Variants in PLAAT3 observed in about 807,000 individuals in gnomAD.
PLAAT3 encodes the protein Ca-independent phospholipase A1/2.
A neutral mutation model predicts 16.7 loss-of-function variants in PLAAT3; 21 were observed. That is an observed-to-expected ratio of 1.26 (90% CI 0.89 to 1.81). PLAAT3 has a LOEUF of 1.81. PLAAT3 is among the 40% of genes most tolerant of loss of function. The probability of loss-of-function intolerance (pLI) is 0.00; values close to 1 mark genes in which losing one functional copy is unlikely to be tolerated. For synonymous variants in PLAAT3, 76 were observed against 81.7 expected (o/e 0.93, Z 0.38); for missense variants, 219 against 213.7 (o/e 1.02, Z -0.16).
chr11:63,591,547 AGG>A (rs1170879902), intron 3 of PLAAT3, among the ~76,000 whole-genome samples: 1 of 152,208 alleles, frequency 6.6e-6, no homozygotes, highest in Non-Finnish European at 1.5e-5. Context: ...TAAACTGGGT[AGG>A]ACCAGTCTTC....
chr11:63,579,060 G>A (rs369212368), intron 4 of PLAAT3, among the ~76,000 whole-genome samples: 11 of 152,268 alleles, frequency 7.2e-5, no homozygotes, highest in South Asian at 2.1e-4. Flanking sequence ...AAAAGTGGGC[G>A]AAGGATATGA....
In PLAAT3 at chr11:63,614,080, G is replaced by C; in HGVS notation, c.-54-12C>G. 1 of 1,612,232 alleles carries C rather than the reference G, an allele frequency of 6.2e-7. No individual in the cohort carries two copies. Among genetic ancestry groups the C allele is most frequent in the Non-Finnish European group, 8.5e-7 (1 of 1,178,630 alleles). On this transcript the variant is annotated splice_polypyrimidine_tract_variant and intron_variant, in intron 1 of 4. Transcript: ENST00000415826. Reference sequence around the variant, plus strand: ...CGCTGCGTAGATGTCTGAGGCAGGGGGAGCAGGGATTTATTGTCATTAACA... The same window carrying C: ...CGCTGCGTAGATGTCTGAGGCAGGGCGAGCAGGGATTTATTGTCATTAACA...
At chr11:63,602,909 T>C (rs946382300) in intron 2 of PLAAT3, among the ~76,000 whole-genome samples, 3 of 152,028 alleles carry the variant, frequency 2.0e-5, no homozygotes, top group Non-Finnish European at 4.4e-5. Flanking sequence ...CCTGGCCAAC[T>C]TGGTGAAACA....
At chr11:63,609,109 A>G (rs1350642054) in intron 2 of PLAAT3, among the ~76,000 whole-genome samples, 1 of 152,232 alleles carries the variant, frequency 6.6e-6, no homozygotes, top group African/African-American at 2.4e-5. Flanking sequence ...AGGTGGAGAC[A>G]CTGTGGAGGC....
At chr11:63,608,260 G>A (rs993229656) in intron 2 of PLAAT3, among the ~76,000 whole-genome samples, 10 of 152,200 alleles carry the variant, frequency 6.6e-5, no homozygotes, top group Non-Finnish European at 8.8e-5. Context: ...ACAGGAGAAG[G>A]GTTGTCTAAA....
In PLAAT3 at chr11:63,590,174, G is replaced by C; in HGVS notation, c.313C>G (p.Leu105Val). ...RAEELVGQEV[L>V]YKLTSENCEH... Reference sequence around the variant, plus strand: ...CAGTTCTCACTGGTCAGCTTGTAGAGCACCTCCTGCCCCACCAGCTCCTCC... The same window carrying C: ...CAGTTCTCACTGGTCAGCTTGTAGACCACCTCCTGCCCCACCAGCTCCTCC... The change falls in exon 4 of 5, where the codon CTC becomes GTC. Residue 105 changes from leucine (L) to valine (V), a missense_variant. Transcript: ENST00000415826. 1 of 1,614,194 alleles carries C rather than the reference G, an allele frequency of 6.2e-7. No individual in the cohort carries two copies. Among genetic ancestry groups the C allele is most frequent in the Non-Finnish European group, 8.5e-7 (1 of 1,180,002 alleles).
At chr11:63,590,447 C>T (rs593759) in intron 3 of PLAAT3, 79 bp from the exon 4 acceptor site, 1,295,856 of 1,296,508 alleles carry the variant, frequency 1, 647,605 homozygotes, top group East Asian at 1. Context: ...CCCAGCCGGG[C>T]ATCTGCCCTT....
intron 4 of PLAAT3, among the ~76,000 whole-genome samples, chr11:63,575,705 A>T (rs1377740666): frequency 1.3e-5 from 2 of 152,236 alleles, no homozygotes; most frequent in Admixed American, 1.3e-4. Context: ...CTGAAACTCA[A>T]CTAAAAGTAA....
chr11:63,586,981 G>C (rs975899482), intron 4 of PLAAT3, among the ~76,000 whole-genome samples: 2 of 152,238 alleles, frequency 1.3e-5, no homozygotes, highest in African/African-American at 4.8e-5. Context: ...CCACTCTGGA[G>C]GCTGAGGCAG....
chr11:63,590,071 G>C (rs1938104318), intron 4 of PLAAT3, 29 bp downstream of exon 4: 1 of 1,603,464 alleles, frequency 6.2e-7, no homozygotes, highest in African/African-American at 1.3e-5. Flanking sequence ...TCTGGTTCCT[G>C]GGGAAGGCGA....
chr11:63,592,389 A>G (rs894632475), intron 3 of PLAAT3, among the ~76,000 whole-genome samples: 5 of 99,144 alleles, frequency 5.0e-5, no homozygotes, highest in Non-Finnish European at 1.3e-4. Context: ...CTGGTCTCGA[A>G]CTCAAGCCTG....
upstream of PLAAT3, chr11:63,616,582 C>G (rs1013089266): frequency 2.6e-5 from 4 of 152,072 alleles, no homozygotes; most frequent in Admixed American, 1.3e-4. Context: ...TTCATTACAA[C>G]TTACTATTCT....
intron 4 of PLAAT3, among the ~76,000 whole-genome samples, chr11:63,587,346 C>A (rs916925394): frequency 6.6e-6 from 1 of 151,678 alleles, no homozygotes; most frequent in East Asian, 1.9e-4. Context: ...CACATACAAA[C>A]AATAAAAAAT....
At chr11:63,596,702 T>A (rs961919318) in intron 3 of PLAAT3, among the ~76,000 whole-genome samples, 27 of 151,904 alleles carry the variant, frequency 1.8e-4, no homozygotes, top group African/African-American at 6.5e-4. Flanking sequence ...TCCCCATGTG[T>A]CAGGGGAGGG....
chr11:63,590,648 G>A (rs551588572), intron 3 of PLAAT3, among the ~76,000 whole-genome samples: 3 of 152,332 alleles, frequency 2.0e-5, no homozygotes, highest in African/African-American at 7.2e-5. Flanking sequence ...ACACTTAAGT[G>A]GCCCCCTTGG....
At chr11:63,615,697 T>C (rs1590705681), upstream of PLAAT3, among the ~76,000 whole-genome samples, 1 of 151,100 alleles carries the variant, frequency 6.6e-6, no homozygotes, top group Admixed American at 6.6e-5. Context: ...TTTGAGACAG[T>C]CTCACTCTGT....
rs1185124265 is a variant in PLAAT3 at position 63,598,612 on chromosome 11, G to A, written c.16-449C>T. The A allele has an allele frequency of 8.3e-6, 4 of 481,454 alleles. No homozygotes were observed. In the Admixed American group the frequency reaches 9.3e-5, roughly 11 times the overall value. The allele number at this position is 481,454 out of a possible 1,614,324, so 29.8% of individuals were successfully genotyped here. On this transcript the variant is annotated intron_variant, in intron 2 of 4. Transcript: ENST00000415826. Reference sequence around the variant, plus strand: ...GTGCAAAGACATATAACTCATGAGTGACTTGGCCAGGACTGAACGCCCAGT... The same window carrying A: ...GTGCAAAGACATATAACTCATGAGTAACTTGGCCAGGACTGAACGCCCAGT...
At chr11:63,614,138 G>A (rs1938768358) in intron 1 of PLAAT3, 70 bp from the exon 2 acceptor site, 1 of 1,335,818 alleles carries the variant, frequency 7.5e-7, no homozygotes, top group Non-Finnish European at 1.1e-6. Context: ...ACGGGACTGC[G>A]GCTTCTGTTG....
At chr11:63,577,409 A>T (rs1162195071) in intron 4 of PLAAT3, among the ~76,000 whole-genome samples, 2 of 152,104 alleles carry the variant, frequency 1.3e-5, no homozygotes, top group Admixed American at 6.6e-5. Flanking sequence ...TGACCACTTG[A>T]TCCACCAGCC....
Sources: gnomAD v4.1 joint callset for allele counts (sites outside exome capture counted in the v4.1 genomes callset) on GRCh38, gnomAD v4.1.1 for gene constraint, MANE v1.5 for transcripts, NCBI Gene and HGNC (gene_info 2026-07-23, HGNC 2026-07-21) for gene names.